PCLO: variants seen among roughly 807,000 people sequenced by gnomAD.
The protein encoded by PCLO is protein piccolo.
Under a neutral mutation model 427.5 loss-of-function variants are expected in PCLO, and 82 were observed. That is an observed-to-expected ratio of 0.19 (90% CI 0.16 to 0.23). The LOEUF is 0.23. Ranked by LOEUF, PCLO falls within the 10% of genes least tolerant of loss-of-function variation. The pLI, the probability that PCLO is intolerant of heterozygous loss-of-function variation, is 1.00. For missense variants in PCLO, 6,239 were observed against 6,115.9 expected, an observed-to-expected ratio of 1.02 and a Z score of -0.67; for synonymous variants, 2,357 against 2,155.4, an observed-to-expected ratio of 1.09 and a Z score of -2.59.
chr7:83,074,178 T>C (rs1789890382), intron 3 of PCLO, among the ~76,000 whole-genome samples: 1 of 151,974 alleles, frequency 6.6e-6, no homozygotes, highest in Non-Finnish European at 1.5e-5. Flanking sequence ...TAGTATCTAA[T>C]GTGTGAAATA....
At position 82,954,326 on chromosome 7, in the gene PCLO, A is replaced by G. The variant is rs779605696; in HGVS notation, c.6627T>C (p.Val2209=). 6.2e-7 allele frequency: 1 copy of G among 1,613,754 alleles called. No individual in the cohort carries two copies. Among genetic ancestry groups the G allele is most frequent in the South Asian group, 1.1e-5 (1 of 91,086 alleles). ...PITTLDSITT[V]YTEPVDMITK... ...TTATCATGTCCACTGGCTCTGTATA[A>G]ACTGTGGTTATGCTATCCAGGGTAG... is the stretch of plus-strand genomic sequence containing the variant. Residue 2209 remains valine, a synonymous_variant, in exon 5 of 25, where the codon GTT becomes GTC. Coordinates refer to ENST00000333891, the MANE Select transcript of PCLO (RefSeq NM_033026.6).
chr7:83,098,488 G>A lies in PCLO; in HGVS notation c.3300+35762C>T, dbSNP rs187164114. Among the ~76,000 whole-genome samples the A allele has an allele frequency of 3.4e-3, 520 of 152,266 alleles. 2 individuals are homozygous for A. Among genetic ancestry groups the A allele is most frequent in the Non-Finnish European group, 4.5e-3 (305 of 68,016 alleles). On this transcript the variant is annotated intron_variant, in intron 3 of 24. Coordinates refer to ENST00000333891, the MANE Select transcript of PCLO (RefSeq NM_033026.6). ...AGTCTCGATAACATGACAACTGTAG[G>A]TTCTAACAGCGAATCTTAAACTTTA... is the stretch of plus-strand genomic sequence containing the variant.
intron 3 of PCLO, among the ~76,000 whole-genome samples, chr7:83,026,282 A>G (rs1788494888): frequency 6.6e-6 from 1 of 152,112 alleles, no homozygotes; most frequent in African/African-American, 2.4e-5. Context: ...AATGGAAAAC[A>G]AAAAAAGGCA....
chr7:83,072,950 C>CT (rs1236645324), intron 3 of PCLO, among the ~76,000 whole-genome samples: 2 of 151,888 alleles, frequency 1.3e-5, no homozygotes, highest in African/African-American at 4.8e-5. Context: ...AATGGTTTCT[C>CT]TTTCTGTCTC....
intron 3 of PCLO, among the ~76,000 whole-genome samples, chr7:83,089,421 T>TC (rs958969026): frequency 5.9e-5 from 9 of 151,880 alleles, no homozygotes; most frequent in Non-Finnish European, 1.3e-4. Flanking sequence ...CTGTCCTTTC[T>TC]CCCCCCTGAC....
At chr7:82,806,987 G>A (rs1204013150) in intron 20 of PCLO, among the ~76,000 whole-genome samples, 1 of 20,670 alleles carries the variant, frequency 4.8e-5, no homozygotes, top group East Asian at 3.0e-3. Context: ...CTTCTCAAGG[G>A]CTTTACTGTC....
intron 1 of PCLO, among the ~76,000 whole-genome samples, chr7:83,161,188 A>G (rs1250943131): frequency 3.3e-5 from 5 of 152,128 alleles, no homozygotes; most frequent in Middle Eastern, 3.2e-3. Flanking sequence ...CATTTCTCCT[A>G]TAATTATTTG....
intron 3 of PCLO, among the ~76,000 whole-genome samples, chr7:82,999,348 A>T (rs1787720864): frequency 7.3e-6 from 1 of 136,670 alleles, no homozygotes; most frequent in African/African-American, 2.8e-5. Context: ...TATATATTTA[A>T]TATATATACT....
At chr7:82,962,996 C>G (rs1795686207) in intron 4 of PCLO, among the ~76,000 whole-genome samples, 1 of 151,880 alleles carries the variant, frequency 6.6e-6, no homozygotes, top group Non-Finnish European at 1.5e-5. Context: ...AAGATTTGAT[C>G]CTTTCTTAAA....
At chr7:82,970,032 TCA>T (rs1795865735) in intron 3 of PCLO, among the ~76,000 whole-genome samples, 2 of 152,080 alleles carry the variant, frequency 1.3e-5, no homozygotes, top group Non-Finnish European at 2.9e-5. Context: ...AAATACAACA[TCA>T]GGCTAAGGCC....
chr7:82,810,034 A>G (rs1378328980), intron 20 of PCLO, among the ~76,000 whole-genome samples: 1 of 151,700 alleles, frequency 6.6e-6, no homozygotes, highest in African/African-American at 2.4e-5. Flanking sequence ...TATGTAGAGT[A>G]ACATTCTGTG....
intron 24 of PCLO, among the ~76,000 whole-genome samples, chr7:82,759,528 C>T (rs1055302729): frequency 1.3e-5 from 2 of 151,840 alleles, no homozygotes; most frequent in African/African-American, 4.8e-5. Flanking sequence ...AACTATTGGT[C>T]TTTCTCTATT....
intron 22 of PCLO, among the ~76,000 whole-genome samples, chr7:82,777,176 C>T (rs766688662): frequency 6.6e-6 from 1 of 151,910 alleles, no homozygotes; most frequent in East Asian, 1.9e-4. Flanking sequence ...GAATAAAATA[C>T]CTAGGAATAC....
intron 10 of PCLO, among the ~76,000 whole-genome samples, chr7:82,876,453 T>TACACAC (rs1491311772): frequency 1.7e-5 from 1 of 60,426 alleles, no homozygotes; most frequent in Non-Finnish European, 3.0e-5. Context: ...CAAAAACAAG[T>TACACAC]ATACACACAC....
chr7:82,785,138 G>A (rs1339045699), intron 22 of PCLO, among the ~76,000 whole-genome samples: 3 of 152,092 alleles, frequency 2.0e-5, no homozygotes, highest in Non-Finnish European at 4.4e-5. Context: ...CTTTTTGGCA[G>A]TAGAGACTGG....
chr7:83,089,833 G>T (rs1258194685), intron 3 of PCLO, among the ~76,000 whole-genome samples: 1 of 152,084 alleles, frequency 6.6e-6, no homozygotes, highest in African/African-American at 2.4e-5. Context: ...CTTGCCTTCT[G>T]AATCACCTCC....
intron 6 of PCLO, among the ~76,000 whole-genome samples, chr7:82,938,979 A>G (rs1795018178): frequency 6.6e-6 from 1 of 152,090 alleles, no homozygotes; most frequent in Non-Finnish European, 1.5e-5. Flanking sequence ...GTAAATTAAA[A>G]ATAGTAAAAT....
intron 22 of PCLO, among the ~76,000 whole-genome samples, chr7:82,786,967 C>T (rs934453409): frequency 2.6e-5 from 4 of 152,010 alleles, no homozygotes; most frequent in African/African-American, 7.2e-5. Flanking sequence ...ATATGTGCCA[C>T]GTTTTCTTTA....
intron 22 of PCLO, among the ~76,000 whole-genome samples, chr7:82,798,955 A>T (rs568690569): frequency 6.6e-6 from 1 of 152,152 alleles, no homozygotes; most frequent in African/African-American, 2.4e-5. Flanking sequence ...AAGGGGAAAC[A>T]TATTGACTCA....
Sources: gnomAD v4.1 joint callset for allele counts (sites outside exome capture counted in the v4.1 genomes callset) on GRCh38, gnomAD v4.1.1 for gene constraint, MANE v1.5 for transcripts, NCBI Gene and HGNC (gene_info 2026-07-23, HGNC 2026-07-21) for gene names.